The following PPP1R3A variants were observed in gnomAD, a reference collection of about 807,000 sequenced individuals.
PPP1R3A encodes the protein RG1.
Under a neutral mutation model 41.7 loss-of-function variants are expected in PPP1R3A, and 29 were observed. That is an observed-to-expected ratio of 0.70 (90% CI 0.52 to 0.95). The LOEUF is 0.95. PPP1R3A is among the 40% of genes least tolerant of loss of function. The pLI is 0.00. For synonymous variants in PPP1R3A, 485 were observed against 453.4 expected, an observed-to-expected ratio of 1.07 and a Z score of -0.89; for missense variants, 1,352 against 1,292.4, an observed-to-expected ratio of 1.05 and a Z score of -0.71.
Position 113,881,669 on chromosome 7 carries a change from C to T in PPP1R3A, c.966+370G>A, listed in dbSNP as rs576587541. 2.0e-5 allele frequency among the ~76,000 whole-genome samples: 3 copies of T among 152,094 alleles called. No individual in the cohort carries two copies. The East Asian group carries it at 5.8e-4, about 30-fold the overall frequency. Reference sequence around the variant, plus strand: ...CATAGACTTCTAGAGTAGGACAGGACACTAACAATCCTCTAGTCCAGCCCT... The same window carrying T: ...CATAGACTTCTAGAGTAGGACAGGATACTAACAATCCTCTAGTCCAGCCCT... On this transcript the variant is annotated intron_variant, in intron 3 of 3. Transcript: ENST00000284601.
chr7:113,918,165 AT>A (rs1259935600), intron 1 of PPP1R3A, 49 bp downstream of exon 1: 2 of 1,493,824 alleles, frequency 1.3e-6, no homozygotes, highest in Middle Eastern at 2.2e-4. Flanking sequence ...AAAGAATGAC[AT>A]AAAAACTTTA....
intron 1 of PPP1R3A, among the ~76,000 whole-genome samples, chr7:113,902,720 G>T (rs1381363453): frequency 6.6e-6 from 1 of 151,854 alleles, no homozygotes; most frequent in Non-Finnish European, 1.5e-5. Context: ...TTTTGAGAAA[G>T]TGAAGGAAGA....
chr7:113,890,470 T>A (rs985334469), intron 1 of PPP1R3A, among the ~76,000 whole-genome samples: 1 of 152,166 alleles, frequency 6.6e-6, no homozygotes, highest in South Asian at 2.1e-4. Flanking sequence ...CTAGTGCTTG[T>A]CTAACTACAT....
chr7:113,882,224 G>T (rs778026102), intron 2 of PPP1R3A, 38 bp downstream of exon 2: 2 of 1,581,590 alleles, frequency 1.3e-6, no homozygotes, highest in Non-Finnish European at 1.7e-6. Context: ...TTTCACAAAA[G>T]AGACAAATTT....
Position 113,915,524 on chromosome 7 carries a change from C to CAT in PPP1R3A, c.782+2689_782+2690dup, listed in dbSNP as rs201485821. On this transcript the variant is annotated intron_variant, in intron 1 of 3. Transcript: ENST00000284601. ...CTATTTGCAGGTATAAAGAAAAAAT[C>CAT]ATATATATATATGTATGTATATGTA... is the stretch of plus-strand genomic sequence containing the variant. 3.0e-4 allele frequency among the ~76,000 whole-genome samples: 45 copies of CAT among 148,050 alleles called. 1 individual carries two copies. The highest frequency in any genetic ancestry group is 1.5e-3 in the South Asian group (7 of 4,716).
At chr7:113,895,508 C>T (rs897768642) in intron 1 of PPP1R3A, among the ~76,000 whole-genome samples, 4 of 151,892 alleles carry the variant, frequency 2.6e-5, no homozygotes, top group Non-Finnish European at 5.9e-5. Context: ...TTCTGGATTG[C>T]TATGCAATCA....
chr7:113,891,990 T>C lies in PPP1R3A; in HGVS notation c.783-9670A>G, dbSNP rs149134076. On this transcript the variant is annotated intron_variant, in intron 1 of 3. Transcript: ENST00000284601. ...AAAATGTTGGCATGAAAAGGGATCA[T>C]TGCCAAAGTGAGTCATGAATATTGT... Among the ~76,000 whole-genome samples the C allele has an allele frequency of 2.7e-3, 404 of 152,148 alleles. 4 individuals are homozygous for C. Among genetic ancestry groups the C allele is most frequent in the Non-Finnish European group, 2.9e-3 (195 of 67,984 alleles).
At chr7:113,899,113 C>G (rs749373482) in intron 1 of PPP1R3A, among the ~76,000 whole-genome samples, 2 of 151,734 alleles carry the variant, frequency 1.3e-5, no homozygotes, top group Admixed American at 1.3e-4. Flanking sequence ...TACTAAGAGT[C>G]AGTAACTCAC....
chr7:113,912,912 C>A (rs1797275335), intron 1 of PPP1R3A, among the ~76,000 whole-genome samples: 1 of 152,010 alleles, frequency 6.6e-6, no homozygotes, highest in Admixed American at 6.6e-5. Flanking sequence ...TTTTGTTCCT[C>A]TTCTCTCAGA....
At chr7:113,908,406 G>T (rs1160640350) in intron 1 of PPP1R3A, among the ~76,000 whole-genome samples, 1 of 151,792 alleles carries the variant, frequency 6.6e-6, no homozygotes, top group African/African-American at 2.4e-5. Flanking sequence ...GTGTAACTGG[G>T]CAGTATTACA....
Position 113,892,637 on chromosome 7 carries a change from T to C in PPP1R3A, c.783-10317A>G, listed in dbSNP as rs188708708. On this transcript the variant is annotated intron_variant, in intron 1 of 3. Transcript: ENST00000284601. ...GATTAAAAGAGGGATCAGTGTCTAA[T>C]TGTGAAGAGAAGCGCCTGAGGAAAA... Among the ~76,000 whole-genome samples, 84 of 152,128 alleles carry C rather than the reference T, an allele frequency of 5.5e-4. 1 individual carries two copies. The highest frequency in any genetic ancestry group is 2.0e-3 in the African/African-American group (82 of 41,532).
At position 113,903,261 on chromosome 7, in the gene PPP1R3A, A is replaced by G. The variant is rs111777626; in HGVS notation, c.782+14954T>C. On this transcript the variant is annotated intron_variant, in intron 1 of 3. Transcript: ENST00000284601. ...CAATAAGAAAGTTCCCTTAAGCACC[A>G]CCAGAGTAGTAAGATGAATCACCCG... is the stretch of plus-strand genomic sequence containing the variant. Among the ~76,000 whole-genome samples, 768 of 151,904 alleles carry G rather than the reference A, an allele frequency of 5.1e-3. 10 individuals are homozygous for G. Among genetic ancestry groups the G allele is most frequent in the African/African-American group, 0.018 (737 of 41,482 alleles).
At chr7:113,885,314 T>C (rs1034739463) in intron 1 of PPP1R3A, among the ~76,000 whole-genome samples, 1 of 152,114 alleles carries the variant, frequency 6.6e-6, no homozygotes, top group Admixed American at 6.6e-5. Context: ...CCCAAAGTGC[T>C]AGGATTACAG....
At chr7:113,892,230 C>T in intron 1 of PPP1R3A, among the ~76,000 whole-genome samples, 1 of 152,082 alleles carries the variant, frequency 6.6e-6, no homozygotes. Context: ...AATAAATGAC[C>T]TTTAAAATCA....
chr7:113,880,646 C>A (rs886358074), intron 3 of PPP1R3A, among the ~76,000 whole-genome samples: 3 of 151,614 alleles, frequency 2.0e-5, no homozygotes, highest in Middle Eastern at 3.4e-3. Context: ...CCTCTGCCAA[C>A]TGGTACTCAA....
chr7:113,895,516 T>C (rs536088985), intron 1 of PPP1R3A, among the ~76,000 whole-genome samples: 1 of 152,114 alleles, frequency 6.6e-6, no homozygotes, highest in Admixed American at 6.6e-5. Flanking sequence ...TGCTATGCAA[T>C]CAAATATATG....
chr7:113,897,403 T>C (rs1796995429), intron 1 of PPP1R3A, among the ~76,000 whole-genome samples: 1 of 151,786 alleles, frequency 6.6e-6, no homozygotes, highest in Non-Finnish European at 1.5e-5. Context: ...CTAACATGAT[T>C]ATCACAAGCA....
chr7:113,906,777 A>G (rs1797155931), intron 1 of PPP1R3A, among the ~76,000 whole-genome samples: 2 of 151,850 alleles, frequency 1.3e-5, no homozygotes. Flanking sequence ...GGGGACTAAT[A>G]CTTAGACTAA....
At chr7:113,914,399 T>A (rs766783926) in intron 1 of PPP1R3A, among the ~76,000 whole-genome samples, 1 of 152,192 alleles carries the variant, frequency 6.6e-6, no homozygotes, top group Non-Finnish European at 1.5e-5. Context: ...CTTCATTTTT[T>A]CATCTATTAA....
Sources: allele counts gnomAD v4.1 joint callset (sites outside exome capture counted in the v4.1 genomes callset), GRCh38; gene constraint gnomAD v4.1.1; transcripts MANE v1.5; gene names NCBI Gene and HGNC (gene_info 2026-07-23, HGNC 2026-07-21).